The following ARID5B variants were observed in gnomAD, a reference collection of about 807,000 sequenced individuals.
The protein encoded by ARID5B is AT-rich interaction domain 5B.
Under a neutral mutation model 97.2 loss-of-function variants are expected in ARID5B, and 13 were observed. The ratio of observed to expected loss-of-function variants is 0.13; its 90% CI spans 0.09 to 0.21. The LOEUF is 0.21. ARID5B is among the 10% of genes least tolerant of loss of function. The pLI is 1.00. For synonymous variants in ARID5B, 556 were observed against 570.3 expected (o/e 0.97, Z 0.36); for missense variants, 1,210 against 1,465.3 (o/e 0.83, Z 2.84).
intron 3 of ARID5B, among the ~76,000 whole-genome samples, chr10:61,995,685 A>G (rs942424657): frequency 2.6e-5 from 4 of 152,222 alleles, no homozygotes; most frequent in African/African-American, 9.6e-5. Context: ...ACTGCAAAGA[A>G]GAGACCTGGA....
At chr10:62,052,037 A>G (rs958534547) in intron 5 of ARID5B, among the ~76,000 whole-genome samples, 1 of 152,328 alleles carries the variant, frequency 6.6e-6, no homozygotes, top group East Asian at 1.9e-4. Context: ...ATTCTAAAAA[A>G]TCTTATCTTT....
chr10:62,039,256 A>G (rs1036628018), intron 4 of ARID5B, among the ~76,000 whole-genome samples: 5 of 152,236 alleles, frequency 3.3e-5, no homozygotes, highest in Admixed American at 6.5e-5. Context: ...AAACCGCCCA[A>G]TCATTTCATC....
chr10:61,983,114 G>T (rs1838798958), intron 3 of ARID5B, among the ~76,000 whole-genome samples: 1 of 152,176 alleles, frequency 6.6e-6, no homozygotes, highest in South Asian at 2.1e-4. Flanking sequence ...TGGAAGTCCT[G>T]TAAGTTTCAA....
intron 2 of ARID5B, among the ~76,000 whole-genome samples, chr10:61,928,391 C>G (rs1844144557): frequency 6.6e-6 from 1 of 152,162 alleles, no homozygotes; most frequent in African/African-American, 2.4e-5. Flanking sequence ...GCCTCAACTT[C>G]CTGGGCTCAG....
At chr10:62,041,030 T>A (rs1231975895) in intron 4 of ARID5B, among the ~76,000 whole-genome samples, 1 of 152,214 alleles carries the variant, frequency 6.6e-6, no homozygotes, top group African/African-American at 2.4e-5. Flanking sequence ...CTCCCTCCAA[T>A]TGAGTGATCA....
At position 62,059,295 on chromosome 10, in the gene ARID5B, A is replaced by C; in HGVS notation, c.1101A>C (p.Thr367=). The change falls in exon 7 of 10, where the codon ACA becomes ACC. Residue 367 remains threonine, a splice_region_variant and synonymous_variant. Coordinates refer to ENST00000279873, the MANE Select transcript of ARID5B (RefSeq NM_032199.3). ...CTCAAAAACTGGGAGGATATGAAAC[A>C]GTAAGTGTTTAAGCAACTTAAATGA... ...QAAQKLGGYE[T]ITARRQWKHI... The C allele has an allele frequency of 6.2e-7, 1 of 1,611,670 alleles. No individual in the cohort carries two copies.
At chr10:61,915,565 C>G (rs2132763406) in intron 2 of ARID5B, among the ~76,000 whole-genome samples, 1 of 152,224 alleles carries the variant, frequency 6.6e-6, no homozygotes, top group East Asian at 1.9e-4. Context: ...GAATTCGTAG[C>G]CAGGTTAGAG....
chr10:62,037,325 A>C (rs1589268739), intron 4 of ARID5B, among the ~76,000 whole-genome samples: 1 of 152,152 alleles, frequency 6.6e-6, no homozygotes, highest in Non-Finnish European at 1.5e-5. Context: ...TTGATTCCAG[A>C]GAGTTAGGGC....
rs1042217601 is a variant in ARID5B, at chr10:62,000,341, T to C, written c.733+20T>C. On this transcript the variant is annotated intron_variant, in intron 4 of 9. Transcript: ENST00000279873. The surrounding 1 kb of genome is among the most constrained non-coding windows in gnomAD (Gnocchi z 4.4). ...AGTTTGGTGAGTCTTTTTTTTTTTT[T>C]CCTACCTGATTCTTGTGCGTGTGTG... 4.1e-6 allele frequency: 6 copies of C among 1,473,088 alleles called. No individual in the cohort carries two copies. Among genetic ancestry groups the C allele is most frequent in the Admixed American group, 1.9e-5 (1 of 51,948 alleles). The allele number at this position is 1,473,088 out of a possible 1,614,324, so 91.3% of individuals were successfully genotyped here. A position where few individuals can be genotyped will look rare whatever the true frequency, so the allele number is the denominator to read the frequency against.
intron 2 of ARID5B, among the ~76,000 whole-genome samples, chr10:61,904,906 C>A (rs139646231): frequency 8.1e-4 from 123 of 152,350 alleles, no homozygotes; most frequent in African/African-American, 2.8e-3. Flanking sequence ...CATTTCCCCC[C>A]TGGCCTAAGT....
chr10:61,933,703 A>T (rs1402898005), intron 2 of ARID5B, among the ~76,000 whole-genome samples: 1 of 152,200 alleles, frequency 6.6e-6, no homozygotes, highest in Non-Finnish European at 1.5e-5. Flanking sequence ...CAGGCTTAAA[A>T]TTTTCAGTAA....
At chr10:62,088,771 C>T (rs963286788) in intron 9 of ARID5B, among the ~76,000 whole-genome samples, 6 of 152,022 alleles carry the variant, frequency 3.9e-5, no homozygotes, top group Non-Finnish European at 8.8e-5. Context: ...TTGTTTTCAT[C>T]GCTTTTAGTT....
chr10:61,929,590 G>A (rs554042732), intron 2 of ARID5B, among the ~76,000 whole-genome samples: 29 of 152,300 alleles, frequency 1.9e-4, no homozygotes, highest in African/African-American at 6.3e-4. Flanking sequence ...TGGTACAGAC[G>A]TAGATGGCTC....
At chr10:61,971,993 C>T (rs1457230126) in intron 3 of ARID5B, among the ~76,000 whole-genome samples, 3 of 152,102 alleles carry the variant, frequency 2.0e-5, no homozygotes, top group African/African-American at 7.2e-5. Context: ...TTTTCTTTCT[C>T]TATGTCCACG....
In ARID5B at chr10:61,902,267, G is replaced by C; in HGVS notation, c.130G>C (p.Val44Leu). 6.2e-7 allele frequency: 1 copy of C among 1,614,004 alleles called. No individual in the cohort carries two copies. Among genetic ancestry groups the C allele is most frequent in the Non-Finnish European group, 8.5e-7 (1 of 1,180,016 alleles). ...RILSLGDFFF[V>L]RCTPKDPICI... is the part of the protein sequence containing the mutation. ...TTTGTCCCTTGGCGACTTTTTCTTTGTAAGATGTACGCCAAAGGATCCGAT... is the reference window on the plus strand; with the variant it reads ...TTTGTCCCTTGGCGACTTTTTCTTTCTAAGATGTACGCCAAAGGATCCGAT... The change falls in exon 2 of 10, where the codon GTA becomes CTA. Residue 44 changes from valine to leucine, a missense_variant. Transcript: ENST00000279873.
At chr10:61,936,788 A>G (rs991937326) in intron 2 of ARID5B, among the ~76,000 whole-genome samples, 1 of 147,374 alleles carries the variant, frequency 6.8e-6, no homozygotes, top group Non-Finnish European at 1.5e-5. Flanking sequence ...CCTGGCAATT[A>G]CTGCTGGACA....
chr10:62,071,172 AC>A (rs1222258033), intron 8 of ARID5B, among the ~76,000 whole-genome samples: 1 of 151,546 alleles, frequency 6.6e-6, no homozygotes, highest in Admixed American at 6.6e-5. Context: ...AGTAACTGGG[AC>A]TACAGGCACG....
intron 4 of ARID5B, among the ~76,000 whole-genome samples, chr10:62,046,267 A>G (rs1470824774): frequency 1.3e-5 from 2 of 152,208 alleles, no homozygotes; most frequent in Non-Finnish European, 2.9e-5. Context: ...AGCCAAAAGC[A>G]ATTTACTTTG....
At chr10:62,049,858 A>G (rs1025933159) in intron 4 of ARID5B, among the ~76,000 whole-genome samples, 2 of 152,234 alleles carry the variant, frequency 1.3e-5, no homozygotes, top group African/African-American at 2.4e-5. Context: ...TGACATTGTC[A>G]TAATCACTCC....
Sources: allele counts gnomAD v4.1 joint callset (sites outside exome capture counted in the v4.1 genomes callset), GRCh38; gene constraint gnomAD v4.1.1; non-coding constraint Gnocchi (gnomAD v3.1); transcripts MANE v1.5; gene names NCBI Gene and HGNC (gene_info 2026-07-23, HGNC 2026-07-21).